ATP8B4: variants seen among roughly 807,000 people sequenced by gnomAD.
The protein encoded by ATP8B4 is probable phospholipid-transporting ATPase IM.
ATP8B4 carries 133 observed loss-of-function variants against 145.6 expected under a neutral mutation model. The observed-to-expected ratio is 0.91, with a 90% CI of 0.79 to 1.05. ATP8B4 has a LOEUF of 1.05. Ranked by LOEUF, ATP8B4 falls within the 50% of genes least tolerant of loss-of-function variation. ATP8B4 has a pLI of 0.00. For synonymous variants in ATP8B4, 507 were observed against 492.9 expected (o/e 1.03, Z -0.38); for missense variants, 1,458 against 1,425.2 (o/e 1.02, Z -0.37).
At chr15:50,134,863 C>T (rs1010223128) in intron 1 of ATP8B4, among the ~76,000 whole-genome samples, 1 of 152,142 alleles carries the variant, frequency 6.6e-6, no homozygotes, top group African/African-American at 2.4e-5. Context: ...AAATTCTGGT[C>T]CATCTGTTTG....
At chr15:49,869,557 C>T (rs1316537834) in intron 25 of ATP8B4, among the ~76,000 whole-genome samples, 1 of 151,922 alleles carries the variant, frequency 6.6e-6, no homozygotes, top group Non-Finnish European at 1.5e-5. Flanking sequence ...AATCAGAAAC[C>T]ATTATGTGGC....
chr15:49,982,139 G>A (rs2046208539), intron 10 of ATP8B4, among the ~76,000 whole-genome samples: 1 of 152,046 alleles, frequency 6.6e-6, no homozygotes, highest in Non-Finnish European at 1.5e-5. Flanking sequence ...TAATATAGGA[G>A]AAAGGGGGAA....
chr15:49,866,250 T>C, intron 26 of ATP8B4, 96 bp downstream of exon 26: 2 of 1,464,052 alleles, frequency 1.4e-6, no homozygotes, highest in Non-Finnish European at 1.8e-6. Context: ...AAAGGATCAC[T>C]AATCATCCCC....
At chr15:50,054,783 C>CAAAAAA (rs55783703) in intron 3 of ATP8B4, among the ~76,000 whole-genome samples, 1 of 81,836 alleles carries the variant, frequency 1.2e-5, no homozygotes, top group Non-Finnish European at 2.2e-5. Context: ...GACTCCGCCT[C>CAAAAAA]AAAAAAAAAA....
In ATP8B4 at chr15:49,918,898, G is replaced by T; in HGVS notation, c.1976C>A (p.Thr659Lys). Reference sequence around the variant, plus strand: ...ATTGGCTAGTGATAAACTTGTAACTGTTTCAATAACACCCTCCTGTAACTT... The same window carrying T: ...ATTGGCTAGTGATAAACTTGTAACTTTTTCAATAACACCCTCCTGTAACTT... ...EDKLQEGVIE[T>K]VTSLSLANIK... Residue 659 changes from threonine to lysine, a missense_variant, in exon 19 of 28, where the codon ACA becomes AAA. Coordinates refer to ENST00000284509, the MANE Select transcript of ATP8B4 (RefSeq NM_024837.4). 1 of 1,613,740 alleles carries T rather than the reference G, an allele frequency of 6.2e-7. No individual in the cohort carries two copies. The highest frequency in any genetic ancestry group is 1.1e-5 in the South Asian group (1 of 91,044).
chr15:50,073,795 T>C (rs1358991640), intron 3 of ATP8B4, among the ~76,000 whole-genome samples: 1 of 152,176 alleles, frequency 6.6e-6, no homozygotes, highest in African/African-American at 2.4e-5. Context: ...CATCCATCAC[T>C]AAGTGCTACC....
At chr15:49,898,644 G>A (rs2037685386) in intron 21 of ATP8B4, among the ~76,000 whole-genome samples, 2 of 152,144 alleles carry the variant, frequency 1.3e-5, no homozygotes, top group South Asian at 2.1e-4. Flanking sequence ...AAATGATGAT[G>A]TTTTGTTTAT....
chr15:50,040,853 C>T (rs1567246136), intron 5 of ATP8B4, among the ~76,000 whole-genome samples: 2 of 152,180 alleles, frequency 1.3e-5, no homozygotes, highest in Admixed American at 1.3e-4. Context: ...GGAACTTCCA[C>T]AGGAAAGAAA....
chr15:49,971,032 G>A (rs7173767), intron 13 of ATP8B4, among the ~76,000 whole-genome samples: 111,957 of 152,170 alleles, frequency 0.74, 42,843 homozygotes, highest in East Asian at 1. Context: ...AGGATTCCCT[G>A]TTTAATAAAT....
chr15:50,047,288 T>A, intron 4 of ATP8B4, 63 bp downstream of exon 4: 2 of 1,071,928 alleles, frequency 1.9e-6, no homozygotes, highest in South Asian at 2.7e-5. Flanking sequence ...ATTGACTTAC[T>A]TTTTACAATT....
At chr15:49,955,761 T>A (rs190745988) in intron 14 of ATP8B4, among the ~76,000 whole-genome samples, 43 of 152,290 alleles carry the variant, frequency 2.8e-4, no homozygotes, top group African/African-American at 1.0e-3. Flanking sequence ...TGAAAAGCGC[T>A]GGTCACAGAA....
intron 6 of ATP8B4, among the ~76,000 whole-genome samples, chr15:50,031,998 T>G (rs1297806115): frequency 3.3e-5 from 5 of 152,232 alleles, no homozygotes; most frequent in Non-Finnish European, 7.3e-5. Flanking sequence ...GGGATTTACA[T>G]GTATTATACT....
rs544625977 is a variant in ATP8B4, at chr15:50,045,962, AG to A, written c.202-1271del. 3.9e-5 allele frequency among the ~76,000 whole-genome samples: 6 copies of A among 152,350 alleles called. No individual in the cohort carries two copies. In the South Asian group the frequency reaches 1.2e-3, roughly 32 times the overall value. ...GGACTCTAAGCTTTCTTCAACAAAT[AG>A]TAAGATGTTTATTCATTGTTTGTTT... On this transcript the variant is annotated intron_variant, in intron 4 of 27. Transcript: ENST00000284509.
At chr15:50,096,512 G>A (rs1438948078) in intron 2 of ATP8B4, among the ~76,000 whole-genome samples, 3 of 152,146 alleles carry the variant, frequency 2.0e-5, no homozygotes, top group African/African-American at 4.8e-5. Context: ...GACTATGGGA[G>A]GAGATTTAAA....
rs368720529 is a variant in ATP8B4 at position 49,972,794 on chromosome 15, T to C, written c.1035-4A>G. On this transcript the variant is annotated splice_region_variant and splice_polypyrimidine_tract_variant and intron_variant, in intron 12 of 27. Transcript: ENST00000284509. ...TCCTAGACGAATTACTTCCACACTA[T>C]CATCCATTAAAATGGAAAAAAAGAA... is the stretch of plus-strand genomic sequence containing the variant. The C allele has an allele frequency of 6.2e-7, 1 of 1,609,576 alleles. No individual in the cohort carries two copies. Among genetic ancestry groups the C allele is most frequent in the African/African-American group, 1.3e-5 (1 of 74,582 alleles).
upstream of ATP8B4, chr15:50,119,338 C>T (rs980458573): frequency 6.6e-6 from 1 of 152,190 alleles, no homozygotes; most frequent in East Asian, 1.9e-4. Context: ...TTACCACCAC[C>T]GGAAGCTGCT....
chr15:49,943,404 C>CAA (rs145539419), intron 14 of ATP8B4, among the ~76,000 whole-genome samples: 2 of 144,818 alleles, frequency 1.4e-5, no homozygotes, highest in African/African-American at 5.0e-5. Context: ...AACAAACAAA[C>CAA]AAAAAAAAAA....
At chr15:49,883,222 TAAG>T (rs771315249) in intron 23 of ATP8B4, 7 of 151,916 alleles carry the variant, frequency 4.6e-5, no homozygotes, top group Non-Finnish European at 1.0e-4. Flanking sequence ...TTCCAGGTAT[TAAG>T]AAGAGAGAAA....
intron 1 of ATP8B4, among the ~76,000 whole-genome samples, chr15:50,180,100 G>A (rs1479969375): frequency 1.3e-5 from 2 of 152,136 alleles, no homozygotes; most frequent in Non-Finnish European, 2.9e-5. Context: ...ATGGGTGAGC[G>A]CTGATTGGCT....
Sources: allele counts gnomAD v4.1 joint callset (sites outside exome capture counted in the v4.1 genomes callset), GRCh38; gene constraint gnomAD v4.1.1; transcripts MANE v1.5; gene names NCBI Gene and HGNC (gene_info 2026-07-23, HGNC 2026-07-21).